CUL1: variants seen among roughly 807,000 people sequenced by gnomAD.
CUL1 encodes cullin-1.
A neutral mutation model predicts 118.0 loss-of-function variants in CUL1; 24 were observed. The ratio of observed to expected loss-of-function variants is 0.20; its 90% CI spans 0.15 to 0.29. CUL1 has a LOEUF of 0.29. Ranked by LOEUF, CUL1 falls within the 10% of genes least tolerant of loss-of-function variation. The pLI, the probability that CUL1 is intolerant of heterozygous loss-of-function variation, is 1.00. For synonymous variants in CUL1, 332 were observed against 340.4 expected (o/e 0.98, Z 0.27); for missense variants, 361 against 933.8 (o/e 0.39, Z 7.99).
intron 9 of CUL1, among the ~76,000 whole-genome samples, chr7:148,776,018 TC>T (rs1800381941): frequency 6.6e-6 from 1 of 152,148 alleles, no homozygotes; most frequent in Non-Finnish European, 1.5e-5. Flanking sequence ...AAATTCCACT[TC>T]CATTTATTTT....
In CUL1 at chr7:148,749,057, G is replaced by T. The variant is rs568833040; in HGVS notation, c.141-4919G>T. 2.6e-5 allele frequency among the ~76,000 whole-genome samples: 4 copies of T among 152,170 alleles called. No homozygotes were observed. The East Asian group carries it at 7.7e-4, about 29-fold the overall frequency. On this transcript the variant is annotated intron_variant, in intron 2 of 21. Transcript: ENST00000325222. ...AACATTTTATATAAGTATTTTAAAT[G>T]CTTATTTAAAAAAGGAAATTACAGA...
chr7:148,781,453 G>A lies in CUL1; in HGVS notation c.1084-2330G>A, dbSNP rs1326725903. Among the ~76,000 whole-genome samples the A allele has an allele frequency of 2.6e-5, 4 of 152,158 alleles. No homozygotes were observed. In the East Asian group the frequency reaches 7.7e-4, roughly 29 times the overall value. Reference sequence around the variant, plus strand: ...CTCCCATCTCACCAGCCAGACTGCTGTAGTTGAAAGAATTTTGGAATTGGA... The same window carrying A: ...CTCCCATCTCACCAGCCAGACTGCTATAGTTGAAAGAATTTTGGAATTGGA... On this transcript the variant is annotated intron_variant, in intron 9 of 21. Transcript: ENST00000325222.
chr7:148,763,157 A>T (rs964962263), intron 7 of CUL1, among the ~76,000 whole-genome samples: 2 of 151,840 alleles, frequency 1.3e-5, no homozygotes, highest in Non-Finnish European at 2.9e-5. Context: ...AAAAAAAAAA[A>T]TAAAAATAAA....
chr7:148,777,688 C>G (rs1800450097), intron 9 of CUL1, among the ~76,000 whole-genome samples: 1 of 152,112 alleles, frequency 6.6e-6, no homozygotes, highest in African/African-American at 2.4e-5. Context: ...ACTGCAGCAA[C>G]ATTTTTGAAT....
intron 7 of CUL1, among the ~76,000 whole-genome samples, chr7:148,766,280 G>A (rs761880666): frequency 7.2e-5 from 11 of 151,948 alleles, no homozygotes; most frequent in Non-Finnish European, 1.5e-4. Flanking sequence ...GACTACAGGC[G>A]CGTGCCACAC....
At chr7:148,740,991 C>T (rs1162082303) in intron 2 of CUL1, among the ~76,000 whole-genome samples, 5 of 152,218 alleles carry the variant, frequency 3.3e-5, no homozygotes, top group African/African-American at 1.2e-4. Flanking sequence ...TTATGGCAGC[C>T]TAAGCCGACT....
At chr7:148,782,392 G>A (rs1237616876) in intron 9 of CUL1, among the ~76,000 whole-genome samples, 1 of 152,218 alleles carries the variant, frequency 6.6e-6, no homozygotes, top group South Asian at 2.1e-4. Context: ...GAAACAAAGA[G>A]CAAGGCTATC....
At chr7:148,727,475 C>T (rs930510556) in intron 1 of CUL1, among the ~76,000 whole-genome samples, 18 of 152,086 alleles carry the variant, frequency 1.2e-4, no homozygotes, top group Middle Eastern at 3.2e-3. Context: ...ATGTATTGAG[C>T]GGCATGCCAG....
intron 7 of CUL1, among the ~76,000 whole-genome samples, chr7:148,764,502 G>A (rs1024724231): frequency 6.6e-6 from 1 of 152,236 alleles, no homozygotes; most frequent in Non-Finnish European, 1.5e-5. Context: ...TGTAGACTAA[G>A]AGGTGGAGAG....
intron 9 of CUL1, among the ~76,000 whole-genome samples, chr7:148,780,816 C>T (rs1166469925): frequency 2.0e-5 from 3 of 152,160 alleles, no homozygotes; most frequent in Non-Finnish European, 4.4e-5. Flanking sequence ...TTTTTTAAAC[C>T]TCAAACCTTT....
At chr7:148,748,458 A>G (rs1471958379) in intron 2 of CUL1, among the ~76,000 whole-genome samples, 2 of 152,226 alleles carry the variant, frequency 1.3e-5, no homozygotes, top group Non-Finnish European at 2.9e-5. Flanking sequence ...TAATCATAAA[A>G]GGTACAGGTT....
intron 1 of CUL1, among the ~76,000 whole-genome samples, chr7:148,725,219 GCTCACA>G (rs1473946707): frequency 0.017 from 2,321 of 140,146 alleles, 54 homozygotes; most frequent in African/African-American, 0.052. Context: ...ACACGCGCGC[GCTCACA>G]CACACACACA....
chr7:148,757,980 C>T (rs570724597), intron 4 of CUL1, among the ~76,000 whole-genome samples: 2 of 152,298 alleles, frequency 1.3e-5, no homozygotes, highest in African/African-American at 4.8e-5. Flanking sequence ...AGCTATAGTT[C>T]AAGATGAGAT....
chr7:148,710,014 G>A (rs575732836), intron 1 of CUL1, among the ~76,000 whole-genome samples: 1 of 152,050 alleles, frequency 6.6e-6, no homozygotes, highest in African/African-American at 2.4e-5. Context: ...GCCCTAGAGG[G>A]AGGGAGATGT....
chr7:148,743,257 T>C (rs1799203459), intron 2 of CUL1, among the ~76,000 whole-genome samples: 1 of 152,214 alleles, frequency 6.6e-6, no homozygotes. Context: ...TGGCTGTAGA[T>C]GGTGATGTGC....
intron 2 of CUL1, among the ~76,000 whole-genome samples, chr7:148,731,700 C>G (rs1220050084): frequency 1.3e-5 from 2 of 152,166 alleles, no homozygotes; most frequent in Admixed American, 6.6e-5. Flanking sequence ...GCCCTCTTCC[C>G]CCGAGGCCCT....
chr7:148,790,419 T>G lies in CUL1; in HGVS notation c.1784T>G (p.Phe595Cys). ...AAAGGAGAATTGGTAACTAACTGCTTCAAAAACAGATATACTTTGCAGGTA... is the reference window on the plus strand; with the variant it reads ...AAAGGAGAATTGGTAACTAACTGCTGCAAAAACAGATATACTTTGCAGGTA... ...LSKGELVTNCFKNRYTLQAST... is the reference protein window; with the variant it reads ...LSKGELVTNCCKNRYTLQAST... The change falls in exon 16 of 22, where the codon TTC (phenylalanine) becomes TGC (cysteine). Residue 595 changes from phenylalanine (F) to cysteine (C), a missense_variant. Physicochemically the swap from Phe to Cys is radical, Grantham distance 205. This residue lies in a region of CUL1 where 84 missense variants were observed against 203.3 expected (regional missense o/e 0.41). Transcript: ENST00000325222. 1 of 1,613,956 alleles carries G rather than the reference T, an allele frequency of 6.2e-7. No homozygotes were observed. Among genetic ancestry groups the G allele is most frequent in the Non-Finnish European group, 8.5e-7 (1 of 1,179,802 alleles).
intron 9 of CUL1, 87 bp from the exon 10 acceptor site, chr7:148,783,696 T>C: frequency 6.3e-7 from 1 of 1,580,724 alleles, no homozygotes; most frequent in South Asian, 1.1e-5. Flanking sequence ...TAGAATATTT[T>C]GTATGCTAGT....
At chr7:148,730,390 AT>A in intron 2 of CUL1, 128 bp downstream of exon 2, 1 of 1,132,478 alleles carries the variant, frequency 8.8e-7, no homozygotes, top group Non-Finnish European at 1.2e-6. Context: ...CGCAGGGTTC[AT>A]TTTTAGCCTT....
Sources: allele counts gnomAD v4.1 joint callset (sites outside exome capture counted in the v4.1 genomes callset), GRCh38; gene constraint gnomAD v4.1.1; regional missense constraint gnomAD v4.1.1; transcripts MANE v1.5; gene names NCBI Gene and HGNC (gene_info 2026-07-23, HGNC 2026-07-21).